Variants in SV2C observed in about 807,000 individuals in gnomAD.
SV2C encodes synaptic vesicle glycoprotein 2C.
Under a neutral mutation model 79.7 loss-of-function variants are expected in SV2C, and 49 were observed. That is an observed-to-expected ratio of 0.61 (90% CI 0.49 to 0.78). The LOEUF is 0.78. Among genes scored for constraint, SV2C ranks in the 30% least tolerant of loss-of-function variants. SV2C has a pLI of 0.00. For synonymous variants in SV2C, 334 were observed against 333.2 expected, an observed-to-expected ratio of 1.00 and a Z score of -0.03; for missense variants, 833 against 912.9, an observed-to-expected ratio of 0.91 and a Z score of 1.13.
At chr5:76,205,161 G>GTGTGTGTA (rs1306655895) in intron 3 of SV2C, among the ~76,000 whole-genome samples, 4 of 152,068 alleles carry the variant, frequency 2.6e-5, no homozygotes, top group African/African-American at 9.7e-5. Flanking sequence ...GTGTGTGTGT[G>GTGTGTGTA]TGTGTGTATG....
the SV2C span, among the ~76,000 whole-genome samples, chr5:75,874,921 T>C: frequency 6.6e-6 from 1 of 152,088 alleles, no homozygotes; most frequent in Non-Finnish European, 1.5e-5. Context: ...CACAAACAGA[T>C]GGAAAAACAT....
chr5:75,931,408 T>C, the SV2C span, among the ~76,000 whole-genome samples: 1 of 152,246 alleles, frequency 6.6e-6, no homozygotes, highest in Non-Finnish European at 1.5e-5. Context: ...TTGGATCATA[T>C]GCTGCTCCAG....
chr5:76,107,033 T>C (rs1037854298), intron 1 of SV2C, among the ~76,000 whole-genome samples: 1 of 152,074 alleles, frequency 6.6e-6, no homozygotes, highest in Admixed American at 6.6e-5. Context: ...AAATAGAAAC[T>C]CAAGAAATGT....
chr5:76,017,451 T>C, the SV2C span, among the ~76,000 whole-genome samples: 1 of 152,096 alleles, frequency 6.6e-6, no homozygotes, highest in East Asian at 1.9e-4. Flanking sequence ...CATACCAGGC[T>C]AATTTTTTGT....
the SV2C span, among the ~76,000 whole-genome samples, chr5:75,959,423 T>C: frequency 1.3e-5 from 2 of 152,022 alleles, no homozygotes; most frequent in East Asian, 3.9e-4. Flanking sequence ...TAGTTAGAAC[T>C]GATAATTCCT....
chr5:75,890,774 G>A, the SV2C span, among the ~76,000 whole-genome samples: 1 of 152,126 alleles, frequency 6.6e-6, no homozygotes, highest in Non-Finnish European at 1.5e-5. Context: ...TGCTCACTAT[G>A]TGGGTAGGGC....
chr5:75,900,103 CATT>C, the SV2C span, among the ~76,000 whole-genome samples: 6 of 152,240 alleles, frequency 3.9e-5, no homozygotes, highest in South Asian at 1.2e-3. Flanking sequence ...TTGATCCTGT[CATT>C]ATGATGTTAG....
chr5:75,917,378 T>A, the SV2C span, among the ~76,000 whole-genome samples: 1 of 152,116 alleles, frequency 6.6e-6, no homozygotes, highest in Non-Finnish European at 1.5e-5. Flanking sequence ...TAGCACTATA[T>A]CAGAGTGAAT....
At chr5:76,130,016 T>C (rs2112181485) in intron 1 of SV2C, among the ~76,000 whole-genome samples, 1 of 152,038 alleles carries the variant, frequency 6.6e-6, no homozygotes, top group East Asian at 1.9e-4. Context: ...TCTGCCCCTT[T>C]TCCCTGACTT....
chr5:76,030,289 T>TTTTTTTTTA, the SV2C span, among the ~76,000 whole-genome samples: 6 of 117,870 alleles, frequency 5.1e-5, no homozygotes, highest in South Asian at 2.6e-4. Flanking sequence ...TTTTTTTTTT[T>TTTTTTTTTA]TTTATTTATT....
At chr5:75,933,744 C>T in the SV2C span, among the ~76,000 whole-genome samples, 1 of 152,194 alleles carries the variant, frequency 6.6e-6, no homozygotes, top group Non-Finnish European at 1.5e-5. Context: ...GTCTTAATTA[C>T]CCCTTTCTTC....
At chr5:76,350,053 G>A (rs1035963171) in intron 12 of SV2C, among the ~76,000 whole-genome samples, 2 of 152,116 alleles carry the variant, frequency 1.3e-5, no homozygotes, top group Non-Finnish European at 1.5e-5. Context: ...TGGTTTTATG[G>A]ACTCAAGGAG....
chr5:76,169,600 A>G (rs920622860), intron 2 of SV2C, among the ~76,000 whole-genome samples: 1 of 152,208 alleles, frequency 6.6e-6, no homozygotes, highest in African/African-American at 2.4e-5. Context: ...ACCTTCCCCA[A>G]TTAACAAAAG....
At chr5:75,849,557 C>T in the SV2C span, among the ~76,000 whole-genome samples, 1 of 152,148 alleles carries the variant, frequency 6.6e-6, no homozygotes, top group Non-Finnish European at 1.5e-5. Flanking sequence ...GTATAAAATA[C>T]TTGGCCTAGA....
the SV2C span, chr5:75,911,981 G>T: frequency 6.1e-6 from 2 of 327,000 alleles, no homozygotes; most frequent in Non-Finnish European, 1.2e-5. Flanking sequence ...TGGGTTCTCA[G>T]TAGGAATGCT....
At chr5:75,858,889 T>C in the SV2C span, among the ~76,000 whole-genome samples, 1 of 152,290 alleles carries the variant, frequency 6.6e-6, no homozygotes, top group Admixed American at 6.5e-5. Context: ...CAGTTGCTCA[T>C]AGTAGTCTCT....
At chr5:76,294,006 G>A (rs1447863644) in intron 8 of SV2C, among the ~76,000 whole-genome samples, 1 of 152,192 alleles carries the variant, frequency 6.6e-6, no homozygotes, top group Non-Finnish European at 1.5e-5. Flanking sequence ...AACTAGAGCA[G>A]TGGTTCTCAA....
chr5:76,130,145 T>TA (rs375351450), intron 1 of SV2C, among the ~76,000 whole-genome samples: 715 of 67,622 alleles, frequency 0.011, 9 homozygotes, highest in East Asian at 0.038. Context: ...TCTCAGTTCT[T>TA]AAAAAAAAAA....
At chr5:76,137,648 C>T (rs986833590) in intron 2 of SV2C, among the ~76,000 whole-genome samples, 5 of 152,082 alleles carry the variant, frequency 3.3e-5, no homozygotes, top group African/African-American at 1.2e-4. Context: ...AACTAACAGC[C>T]AGAAGTAAAT....
Sources: gnomAD v4.1 joint callset for allele counts (sites outside exome capture counted in the v4.1 genomes callset) on GRCh38, gnomAD v4.1.1 for gene constraint, MANE v1.5 for transcripts, NCBI Gene and HGNC (gene_info 2026-07-23, HGNC 2026-07-21) for gene names.